The following NRXN1 variants were observed in gnomAD, a reference collection of about 807,000 sequenced individuals.
NRXN1 encodes neurexin-1.
In NRXN1, 39 loss-of-function variants were observed where a neutral mutation model predicts 150.9. The ratio of observed to expected loss-of-function variants is 0.26; its 90% confidence interval spans 0.20 to 0.34. The LOEUF (loss-of-function observed/expected upper bound fraction) is 0.34, where lower values mean the gene tolerates loss of function less well. NRXN1 is among the 10% of genes least tolerant of loss of function. The pLI is 1.00. For missense variants in NRXN1, 1,815 were observed against 1,949.9 expected (o/e 0.93, Z 1.30); for synonymous variants, 924 against 757.0 (o/e 1.22, Z -3.62).
At chr2:50,053,700 T>C (rs1693142495) in intron 20 of NRXN1, 110 bp from the exon 21 acceptor site, 1 of 1,089,848 alleles carries the variant, frequency 9.2e-7, no homozygotes, top group Non-Finnish European at 1.4e-6. Context: ...CAATAAACTA[T>C]AAGAGAGGCA....
At chr2:50,545,216 T>C (rs1028940182) in intron 9 of NRXN1, among the ~76,000 whole-genome samples, 6 of 152,160 alleles carry the variant, frequency 3.9e-5, no homozygotes, top group African/African-American at 1.4e-4. Context: ...ATATATTAAA[T>C]ACATCATGCA....
intron 18 of NRXN1, among the ~76,000 whole-genome samples, chr2:50,234,685 T>C (rs1232046915): frequency 6.6e-6 from 1 of 151,964 alleles, no homozygotes; most frequent in African/African-American, 2.4e-5. Flanking sequence ...AAACAGTATT[T>C]GAGAAGCCCA....
At chr2:50,594,453 T>C (rs540201198) in intron 8 of NRXN1, among the ~76,000 whole-genome samples, 1 of 152,258 alleles carries the variant, frequency 6.6e-6, no homozygotes, top group African/African-American at 2.4e-5. Flanking sequence ...GGCGTAAGTA[T>C]GGGTGAGTCA....
At chr2:50,623,216 G>A (rs1044891010) in intron 6 of NRXN1, 98 bp downstream of exon 6, 5 of 916,426 alleles carry the variant, frequency 5.5e-6, no homozygotes, top group Non-Finnish European at 8.2e-6. Flanking sequence ...AAGTGACTCT[G>A]AGGAGCCCTG....
intron 9 of NRXN1, among the ~76,000 whole-genome samples, chr2:50,540,440 C>A (rs1028061591): frequency 6.6e-6 from 1 of 151,996 alleles, no homozygotes; most frequent in Non-Finnish European, 1.5e-5. Context: ...TCAAATGGAA[C>A]GATCATTACA....
At chr2:50,479,347 A>G (rs946850310) in intron 15 of NRXN1, among the ~76,000 whole-genome samples, 2 of 152,000 alleles carry the variant, frequency 1.3e-5, no homozygotes, top group Admixed American at 6.5e-5. Flanking sequence ...ATCCTACTCA[A>G]CTTGGGGGAC....
intron 15 of NRXN1, among the ~76,000 whole-genome samples, chr2:50,477,861 T>C (rs1036596075): frequency 1.3e-5 from 2 of 152,134 alleles, no homozygotes; most frequent in African/African-American, 4.8e-5. Context: ...TTCTAGACAC[T>C]TCATTTTAAG....
chr2:50,491,357 T>A (rs576832138), intron 15 of NRXN1, among the ~76,000 whole-genome samples: 1 of 152,182 alleles, frequency 6.6e-6, no homozygotes, highest in African/African-American at 2.4e-5. Context: ...AAGAATACTA[T>A]TTATCTTCAA....
chr2:50,158,767 T>C (rs2059181711), intron 18 of NRXN1, among the ~76,000 whole-genome samples: 2 of 152,252 alleles, frequency 1.3e-5, no homozygotes, highest in South Asian at 2.1e-4. Context: ...TGGTCTCCTT[T>C]AGAAAGAAAA....
At chr2:50,722,177 C>A (rs1696749812) in intron 5 of NRXN1, among the ~76,000 whole-genome samples, 1 of 152,086 alleles carries the variant, frequency 6.6e-6, no homozygotes, top group South Asian at 2.1e-4. Context: ...ATTTGGGCAT[C>A]TCCCTATCAT....
intron 5 of NRXN1, chr2:50,898,484 T>C: frequency 2.7e-6 from 1 of 363,770 alleles, no homozygotes; most frequent in South Asian, 2.1e-5. Flanking sequence ...GTTATCCTAC[T>C]ATTGGTTACC....
At chr2:50,979,581 A>G (rs1696460376) in intron 2 of NRXN1, among the ~76,000 whole-genome samples, 1 of 152,108 alleles carries the variant, frequency 6.6e-6, no homozygotes, top group African/African-American at 2.4e-5. Context: ...GTTCACCTGA[A>G]TTTTTAAAAA....
At chr2:50,884,884 G>T (rs994707867) in intron 5 of NRXN1, among the ~76,000 whole-genome samples, 8 of 151,416 alleles carry the variant, frequency 5.3e-5, no homozygotes, top group African/African-American at 1.9e-4. Context: ...ATTGAAGGGG[G>T]AGGGAGCGAA....
intron 17 of NRXN1, among the ~76,000 whole-genome samples, chr2:50,280,569 C>G (rs2071290914): frequency 6.6e-6 from 1 of 152,106 alleles, no homozygotes; most frequent in Non-Finnish European, 1.5e-5. Flanking sequence ...GCTCAGCCTC[C>G]TCATCTGTAA....
intron 5 of NRXN1, among the ~76,000 whole-genome samples, chr2:50,736,553 A>ACGAGGG (rs1332266377): frequency 6.6e-6 from 1 of 152,126 alleles, no homozygotes; most frequent in Non-Finnish European, 1.5e-5. Context: ...TAATTGAATC[A>ACGAGGG]CGAGGGCGGT....
chr2:50,021,207 G>T (rs1687512501), intron 21 of NRXN1, among the ~76,000 whole-genome samples: 1 of 152,162 alleles, frequency 6.6e-6, no homozygotes, highest in Admixed American at 6.5e-5. Flanking sequence ...TAGTGCTAAT[G>T]TGAAATATCT....
chr2:50,209,928 A>G (rs2062890312), intron 18 of NRXN1, among the ~76,000 whole-genome samples: 1 of 152,058 alleles, frequency 6.6e-6, no homozygotes, highest in South Asian at 2.1e-4. Flanking sequence ...GTGCTATACT[A>G]TATATGTACT....
chr2:50,380,692 T>C (rs1435129620), intron 17 of NRXN1, among the ~76,000 whole-genome samples: 4 of 152,078 alleles, frequency 2.6e-5, no homozygotes, highest in Non-Finnish European at 5.9e-5. Flanking sequence ...CAATAAATGA[T>C]AGCAATTTAT....
intron 5 of NRXN1, among the ~76,000 whole-genome samples, chr2:50,682,337 A>G (rs1234168620): frequency 2.6e-5 from 4 of 152,132 alleles, no homozygotes; most frequent in South Asian, 2.1e-4. Flanking sequence ...TAACCAAGCC[A>G]TCTCTCAATT....
Sources: allele counts gnomAD v4.1 joint callset (sites outside exome capture counted in the v4.1 genomes callset), GRCh38; gene constraint gnomAD v4.1.1; transcripts MANE v1.5; gene names NCBI Gene and HGNC (gene_info 2026-07-23, HGNC 2026-07-21).